The following GTF2IRD1 variants were observed in gnomAD, a reference collection of about 807,000 sequenced individuals.
GTF2IRD1 encodes the protein GTF2I repeat domain containing 1, also known as general transcription factor II-I repeat domain-containing protein 1.
A neutral mutation model predicts 113.2 loss-of-function variants in GTF2IRD1; 26 were observed. The ratio of observed to expected loss-of-function variants is 0.23; its 90% CI spans 0.17 to 0.32. The LOEUF (loss-of-function observed/expected upper bound fraction) is 0.32. Among genes scored for constraint, GTF2IRD1 ranks in the 10% least tolerant of loss-of-function variants. The pLI is 1.00. For synonymous variants in GTF2IRD1, 484 were observed against 529.1 expected, an observed-to-expected ratio of 0.91 and a Z score of 1.17; for missense variants, 864 against 1,280.8, an observed-to-expected ratio of 0.67 and a Z score of 4.97.
intron 21 of GTF2IRD1, 54 bp from the exon 22 acceptor site, chr7:74,559,573 T>A: frequency 6.6e-7 from 1 of 1,522,488 alleles, no homozygotes; most frequent in East Asian, 2.4e-5. Flanking sequence ...CAGGGGTGTC[T>A]TCCTCATCCC....
intron 1 of GTF2IRD1, among the ~76,000 whole-genome samples, chr7:74,495,459 C>T (rs1795602473): frequency 6.6e-6 from 1 of 152,224 alleles, no homozygotes; most frequent in African/African-American, 2.4e-5. Flanking sequence ...TGCCCCATCC[C>T]TCACCATTCA....
chr7:74,532,335 C>G (rs1043149983), intron 9 of GTF2IRD1, among the ~76,000 whole-genome samples: 8 of 152,188 alleles, frequency 5.3e-5, no homozygotes, highest in Non-Finnish European at 1.0e-4. Context: ...AGGAGGATCA[C>G]TTGAGGCCAG....
At chr7:74,528,592 A>G (rs115713059) in intron 8 of GTF2IRD1, among the ~76,000 whole-genome samples, 290 of 151,676 alleles carry the variant, frequency 1.9e-3, no homozygotes, top group African/African-American at 6.7e-3. Context: ...CCAGTGGATG[A>G]CAGACACAGC....
In GTF2IRD1 at chr7:74,560,914, G is replaced by C. The variant is rs190805776; in HGVS notation, c.2320+1259G>C. Among the ~76,000 whole-genome samples, 523 of 152,154 alleles carry C rather than the reference G, an allele frequency of 3.4e-3. 14 individuals carry two copies. Among genetic ancestry groups the C allele is most frequent in the Admixed American group, 0.031 (467 of 15,266 alleles). On this transcript the variant is annotated intron_variant, in intron 22 of 26. Transcript: ENST00000424337. Reference sequence around the variant, plus strand: ...CTTTTTAAGGCACCCATCCACTTCTGTCTCCACCATGGACTGTGTCCTGGC... The same window carrying C: ...CTTTTTAAGGCACCCATCCACTTCTCTCTCCACCATGGACTGTGTCCTGGC...
intron 1 of GTF2IRD1, among the ~76,000 whole-genome samples, chr7:74,463,689 G>A (rs1243821480): frequency 2.0e-5 from 3 of 151,752 alleles, no homozygotes; most frequent in African/African-American, 7.3e-5. Flanking sequence ...CAAGCCTCCT[G>A]TGCCCCTTTG....
chr7:74,570,792 T>C (rs1156778698), intron 22 of GTF2IRD1, among the ~76,000 whole-genome samples: 1 of 152,180 alleles, frequency 6.6e-6, no homozygotes, highest in Non-Finnish European at 1.5e-5. Flanking sequence ...CCGCTTCCTA[T>C]AGGGCTTGCT....
intron 23 of GTF2IRD1, among the ~76,000 whole-genome samples, chr7:74,590,206 A>G (rs781903446): frequency 2.6e-4 from 39 of 149,806 alleles, no homozygotes; most frequent in Admixed American, 2.3e-3. Flanking sequence ...TCAGCCTCCC[A>G]AGTAGCTGGG....
chr7:74,476,188 C>T (rs1584477300), intron 1 of GTF2IRD1, among the ~76,000 whole-genome samples: 1 of 152,012 alleles, frequency 6.6e-6, no homozygotes, highest in African/African-American at 2.4e-5. Flanking sequence ...AATGGGATGG[C>T]GTAGGTGTGG....
At chr7:74,563,983 G>T (rs1394334141) in intron 22 of GTF2IRD1, among the ~76,000 whole-genome samples, 1 of 152,068 alleles carries the variant, frequency 6.6e-6, no homozygotes, top group Non-Finnish European at 1.5e-5. Flanking sequence ...CCCCGAGAAG[G>T]TAAAAATTCT....
At chr7:74,554,818 G>T (rs188732822) in intron 17 of GTF2IRD1, among the ~76,000 whole-genome samples, 5 of 152,192 alleles carry the variant, frequency 3.3e-5, no homozygotes, top group Non-Finnish European at 5.9e-5. Context: ...GATTACAGGC[G>T]TGAGCTACTG....
chr7:74,499,335 G>A (rs923215953), intron 1 of GTF2IRD1, among the ~76,000 whole-genome samples: 2 of 152,046 alleles, frequency 1.3e-5, no homozygotes, highest in Non-Finnish European at 2.9e-5. Flanking sequence ...TGACCTAGGC[G>A]GGAGCCAATA....
chr7:74,585,880 C>T (rs1554367589), intron 22 of GTF2IRD1, among the ~76,000 whole-genome samples: 4 of 150,382 alleles, frequency 2.7e-5, no homozygotes, highest in East Asian at 3.9e-4. Context: ...GAGCAAGACT[C>T]TTCCAAAAAA....
intron 1 of GTF2IRD1, among the ~76,000 whole-genome samples, chr7:74,476,824 A>G (rs1413199142): frequency 2.6e-5 from 4 of 152,134 alleles, no homozygotes; most frequent in African/African-American, 9.7e-5. Flanking sequence ...CACCGTTTAT[A>G]AACTTTAGCT....
intron 1 of GTF2IRD1, among the ~76,000 whole-genome samples, chr7:74,456,155 G>A (rs1396789511): frequency 6.6e-6 from 1 of 152,216 alleles, no homozygotes; most frequent in Non-Finnish European, 1.5e-5. Context: ...AGTGGCAGCT[G>A]TAATCTAGGG....
At chr7:74,593,732 CAAA>C (rs1554370932) in intron 24 of GTF2IRD1, among the ~76,000 whole-genome samples, 15 of 81,616 alleles carry the variant, frequency 1.8e-4, no homozygotes, top group Admixed American at 2.9e-4. Context: ...GACTCCATCT[CAAA>C]AAAAAAAAAA....
chr7:74,508,816 G>C (rs1796451862), intron 2 of GTF2IRD1, among the ~76,000 whole-genome samples: 1 of 152,008 alleles, frequency 6.6e-6, no homozygotes, highest in Non-Finnish European at 1.5e-5. Context: ...CTATCTCCTA[G>C]CAGGTGACCT....
rs587681781 is a variant in GTF2IRD1 at position 74,529,961 on chromosome 7, G to T, written c.1274+44G>T. On this transcript the variant is annotated intron_variant, in intron 9 of 26. Coordinates refer to ENST00000424337, the MANE Select transcript of GTF2IRD1 (RefSeq NM_005685.4). Reference sequence around the variant, plus strand: ...GCAGTGGCTCATGCCTGTAATCCCAGCACTTTGGGAGGCCAAGGCAGGCAG... The same window carrying T: ...GCAGTGGCTCATGCCTGTAATCCCATCACTTTGGGAGGCCAAGGCAGGCAG... The T allele has an allele frequency of 9.2e-5, 137 of 1,496,406 alleles. 2 individuals carry two copies. The South Asian group carries it at 1.4e-3, about 16-fold the overall frequency. 92.7% of individuals were successfully genotyped at this position (1,496,406 alleles called of 1,614,324 possible). A position where few individuals can be genotyped will look rare whatever the true frequency, so the allele number is the denominator to read the frequency against.
chr7:74,505,692 A>G (rs879963039), intron 1 of GTF2IRD1, among the ~76,000 whole-genome samples: 6 of 152,166 alleles, frequency 3.9e-5, no homozygotes, highest in Non-Finnish European at 8.8e-5. Flanking sequence ...CTTTCTGGGA[A>G]TGGTTCAAGG....
At chr7:74,543,755 G>A (rs1359199717) in intron 14 of GTF2IRD1, among the ~76,000 whole-genome samples, 1 of 151,102 alleles carries the variant, frequency 6.6e-6, no homozygotes, top group African/African-American at 2.4e-5. Context: ...TTAAAAAGTA[G>A]CCAGCCGTGG....
Sources: allele counts gnomAD v4.1 joint callset (sites outside exome capture counted in the v4.1 genomes callset), GRCh38; gene constraint gnomAD v4.1.1; transcripts MANE v1.5; gene names NCBI Gene and HGNC (gene_info 2026-07-23, HGNC 2026-07-21).